The following MYH16 variants were observed in gnomAD, a reference collection of about 807,000 sequenced individuals.
MYH16 encodes the protein myosin heavy chain 16, also known as putative uncharacterized protein MYH16.
intron 32 of MYH16, among the ~76,000 whole-genome samples, chr7:99,292,849 A>G (rs991641078): frequency 6.6e-6 from 1 of 151,692 alleles, no homozygotes; most frequent in African/African-American, 2.4e-5. Flanking sequence ...AGTCTCAGCT[A>G]TTTGGGAGAC....
chr7:99,266,080 C>T (rs1791984286), intron 17 of MYH16, among the ~76,000 whole-genome samples: 1 of 152,208 alleles, frequency 6.6e-6, no homozygotes, highest in South Asian at 2.1e-4. Context: ...GACATGCGCT[C>T]AGACAGCAGT....
intron 27 of MYH16, among the ~76,000 whole-genome samples, chr7:99,285,815 G>A (rs973904750): frequency 3.9e-5 from 6 of 152,254 alleles, no homozygotes; most frequent in African/African-American, 4.8e-5. Flanking sequence ...GAGAAAGCAC[G>A]TGTTAGCAAG....
At chr7:99,300,987 G>A (rs1416230178) in intron 37 of MYH16, among the ~76,000 whole-genome samples, 1 of 151,946 alleles carries the variant, frequency 6.6e-6, no homozygotes, top group Non-Finnish European at 1.5e-5. Context: ...TTGAGGTCAG[G>A]AGTTTGAGAC....
At chr7:99,298,213 G>C (rs1584359252) in intron 36 of MYH16, among the ~76,000 whole-genome samples, 1 of 151,142 alleles carries the variant, frequency 6.6e-6, no homozygotes, top group African/African-American at 2.4e-5. Flanking sequence ...TTTCTTTTTT[G>C]GTTTTTTTGG....
chr7:99,291,902 C>T (rs1584355732), intron 31 of MYH16, among the ~76,000 whole-genome samples: 1 of 152,186 alleles, frequency 6.6e-6, no homozygotes, highest in Non-Finnish European at 1.5e-5. Flanking sequence ...GAGATCGCAC[C>T]ATTGCACTCC....
intron 28 of MYH16, 187 bp from the exon 10 acceptor site, chr7:99,287,705 A>G (rs1237464598): frequency 5.7e-6 from 2 of 350,962 alleles, no homozygotes; most frequent in African/African-American, 4.3e-5. Context: ...ACAATTTAAC[A>G]CACAACACCT....
intron 17 of MYH16, among the ~76,000 whole-genome samples, chr7:99,266,378 T>TG (rs1452604271): frequency 6.6e-6 from 1 of 152,288 alleles, no homozygotes; most frequent in Non-Finnish European, 1.5e-5. Context: ...ACCTTAGAGA[T>TG]GATCTTCTAC....
exon 29 of MYH16, chr7:99,288,104 C>T (rs1255068483): frequency 4.4e-6 from 2 of 456,574 alleles, no homozygotes; most frequent in South Asian, 3.1e-5. Context: ...TTGATGACCT[C>T]AATGCCAGCA....
chr7:99,285,338 CTT>C, intron 26 of MYH16, 42 bp from the exon 9 acceptor site: 1 of 456,112 alleles, frequency 2.2e-6, no homozygotes, highest in Non-Finnish European at 4.4e-6. Context: ...GACTTACTAA[CTT>C]TGCCTGGCAG....
At chr7:99,270,558 C>T (rs548556577) in intron 18 of MYH16, among the ~76,000 whole-genome samples, 1 of 151,688 alleles carries the variant, frequency 6.6e-6, no homozygotes, top group East Asian at 2.0e-4. Flanking sequence ...ACCTCATGAT[C>T]CACCCACCTC....
intron 18 of MYH16, among the ~76,000 whole-genome samples, chr7:99,268,263 T>C (rs1478788558): frequency 6.6e-6 from 1 of 152,198 alleles, no homozygotes; most frequent in Non-Finnish European, 1.5e-5. Context: ...GACAGGATCA[T>C]GGAATAATTG....
intron 40 of MYH16, among the ~76,000 whole-genome samples, chr7:99,305,332 T>C (rs935343697): frequency 3.9e-5 from 6 of 152,152 alleles, no homozygotes; most frequent in African/African-American, 1.4e-4. Context: ...AGAATGTCCT[T>C]AGCCTCAAGC....
exon 24 of MYH16, chr7:99,283,638 C>T (rs150482143): frequency 1.1e-4 from 52 of 456,596 alleles, no homozygotes; most frequent in African/African-American, 7.8e-4. Context: ...AAGCTGAGCA[C>T]GCAGATCCAT....
At chr7:99,267,082 G>A (rs184050450) in intron 18 of MYH16, 4 of 152,522 alleles carry the variant, frequency 2.6e-5, no homozygotes, top group East Asian at 1.9e-4. Context: ...GGCCTACTTC[G>A]GGCAAGTCTG....
At chr7:99,272,077 G>A (rs1792053417) in intron 19 of MYH16, among the ~76,000 whole-genome samples, 1 of 152,156 alleles carries the variant, frequency 6.6e-6, no homozygotes, top group Non-Finnish European at 1.5e-5. Context: ...ATCTTAACTA[G>A]TTACATTTGC....
intron 37 of MYH16, among the ~76,000 whole-genome samples, chr7:99,300,026 C>A (rs1792568541): frequency 6.6e-6 from 1 of 151,642 alleles, no homozygotes; most frequent in Non-Finnish European, 1.5e-5. Flanking sequence ...GTGGTGCAAT[C>A]TCGGCTCACT....
At chr7:99,270,021 C>G (rs1212092821) in intron 18 of MYH16, among the ~76,000 whole-genome samples, 2 of 151,802 alleles carry the variant, frequency 1.3e-5, no homozygotes, top group African/African-American at 4.8e-5. Flanking sequence ...TTACAGGCAC[C>G]TGCCAGCATG....
At chr7:99,299,229 G>T (rs887385006) in intron 36 of MYH16, among the ~76,000 whole-genome samples, 1 of 152,044 alleles carries the variant, frequency 6.6e-6, no homozygotes, top group African/African-American at 2.4e-5. Context: ...AGAATGTGAC[G>T]GTTTTTCCAT....
At chr7:99,279,526 T>C (rs929835173) in exon 22 of MYH16, 4 of 456,444 alleles carry the variant, frequency 8.8e-6, no homozygotes, top group African/African-American at 2.0e-5. Context: ...GAGAACCTGA[T>C]GGATGCAGAG....
Sources: allele counts gnomAD v4.1 joint callset (sites outside exome capture counted in the v4.1 genomes callset), GRCh38; gene constraint gnomAD v4.1.1; transcripts MANE v1.5; gene names NCBI Gene and HGNC (gene_info 2026-07-23, HGNC 2026-07-21).